Variants in FHIT observed in about 807,000 individuals in gnomAD.
FHIT encodes the protein fragile histidine triad diadenosine triphosphatase, also known as bis(5'-adenosyl)-triphosphatase.
In FHIT, 19 loss-of-function variants were observed where a neutral mutation model predicts 17.9. The observed-to-expected ratio is 1.06, with a 90% confidence interval of 0.74 to 1.56. The LOEUF is 1.56. FHIT is among the 40% of genes most tolerant of loss of function. The probability of loss-of-function intolerance (pLI) is 0.00; values close to 1 mark genes in which losing one functional copy is unlikely to be tolerated. For synonymous variants in FHIT, 81 were observed against 69.7 expected, an observed-to-expected ratio of 1.16 and a Z score of -0.81; for missense variants, 248 against 189.2, an observed-to-expected ratio of 1.31 and a Z score of -1.82.
chr3:61,076,498 C>A (rs2034976252), intron 2 of FHIT, among the ~76,000 whole-genome samples: 1 of 152,120 alleles, frequency 6.6e-6, no homozygotes, highest in Admixed American at 6.5e-5. Flanking sequence ...ACCATGCATG[C>A]CTCAGTCTGT....
chr3:59,861,088 G>A (rs960627136), intron 8 of FHIT, among the ~76,000 whole-genome samples: 3 of 152,096 alleles, frequency 2.0e-5, no homozygotes, highest in Admixed American at 2.0e-4. Context: ...TGGCTGGCAG[G>A]ATGAGAAGAA....
At chr3:61,095,726 C>T (rs979373492) in intron 2 of FHIT, among the ~76,000 whole-genome samples, 2 of 152,152 alleles carry the variant, frequency 1.3e-5, no homozygotes, top group African/African-American at 2.4e-5. Context: ...TGCCATTCTG[C>T]TTTTTCGCTG....
chr3:60,093,155 G>C (rs1002301369), intron 5 of FHIT, among the ~76,000 whole-genome samples: 9 of 152,160 alleles, frequency 5.9e-5, no homozygotes, highest in African/African-American at 2.2e-4. Flanking sequence ...TTGGGGGTCT[G>C]ACACAGGTCT....
At chr3:61,032,195 A>G (rs936461578) in intron 3 of FHIT, among the ~76,000 whole-genome samples, 11 of 152,330 alleles carry the variant, frequency 7.2e-5, no homozygotes, top group East Asian at 1.9e-4. Flanking sequence ...TCTGTCTGCT[A>G]AAAATACAGA....
At chr3:60,367,123 G>C (rs1314133265) in intron 5 of FHIT, among the ~76,000 whole-genome samples, 1 of 152,142 alleles carries the variant, frequency 6.6e-6, no homozygotes, top group African/African-American at 2.4e-5. Flanking sequence ...CTTCCCCTAA[G>C]AATACTAAAT....
intron 7 of FHIT, among the ~76,000 whole-genome samples, chr3:59,951,509 C>G (rs144803214): frequency 1.1e-3 from 174 of 152,324 alleles, no homozygotes; most frequent in Non-Finnish European, 2.0e-3. Flanking sequence ...CTGAAGGACT[C>G]TGACATCAGT....
intron 3 of FHIT, among the ~76,000 whole-genome samples, chr3:60,954,966 GTA>G (rs1442826086): frequency 1.3e-5 from 2 of 152,128 alleles, no homozygotes; most frequent in African/African-American, 4.8e-5. Context: ...AGAGAAAGTT[GTA>G]TCTTATTTAC....
chr3:61,203,178 T>TAA (rs2039085989), intron 1 of FHIT, among the ~76,000 whole-genome samples: 1 of 13,362 alleles, frequency 7.5e-5, no homozygotes, highest in Admixed American at 1.1e-3. Context: ...AGACTCCGTC[T>TAA]CAAAAAAAAA....
intron 5 of FHIT, among the ~76,000 whole-genome samples, chr3:60,339,126 G>A (rs1478656565): frequency 6.6e-6 from 1 of 152,140 alleles, no homozygotes; most frequent in East Asian, 1.9e-4. Flanking sequence ...ATGTAAGTAT[G>A]TATGCACATA....
At chr3:60,521,526 C>T (rs1481944995) in intron 5 of FHIT, among the ~76,000 whole-genome samples, 3 of 152,158 alleles carry the variant, frequency 2.0e-5, no homozygotes, top group Non-Finnish European at 2.9e-5. Flanking sequence ...GGATTACAGG[C>T]ATGAGCCACT....
At chr3:60,715,562 A>G (rs1161245672) in intron 4 of FHIT, among the ~76,000 whole-genome samples, 2 of 142,136 alleles carry the variant, frequency 1.4e-5, no homozygotes, top group Non-Finnish European at 3.0e-5. Context: ...ATAGATGGGA[A>G]TTGAACAATG....
intron 5 of FHIT, among the ~76,000 whole-genome samples, chr3:60,189,675 T>C (rs1441841686): frequency 6.6e-6 from 1 of 152,204 alleles, no homozygotes; most frequent in East Asian, 1.9e-4. Flanking sequence ...TTGGTCGGCA[T>C]TGGTATTATT....
At chr3:60,791,545 A>G (rs150254758) in intron 4 of FHIT, among the ~76,000 whole-genome samples, 72 of 152,350 alleles carry the variant, frequency 4.7e-4, no homozygotes, top group African/African-American at 1.7e-3. Context: ...CTGTTAGAAC[A>G]TGCAACATGC....
chr3:60,964,307 A>G (rs1709605850), intron 3 of FHIT, among the ~76,000 whole-genome samples: 1 of 149,732 alleles, frequency 6.7e-6, no homozygotes, highest in African/African-American at 2.5e-5. Flanking sequence ...CCATCCCTTT[A>G]GTTTGAGCCT....
chr3:60,324,973 A>G (rs914599139), intron 5 of FHIT, among the ~76,000 whole-genome samples: 37 of 152,184 alleles, frequency 2.4e-4, no homozygotes, highest in African/African-American at 7.7e-4. Flanking sequence ...AGCATTCTAG[A>G]TATTTCTGAA....
intron 4 of FHIT, among the ~76,000 whole-genome samples, chr3:60,750,904 A>G (rs2042452865): frequency 6.6e-6 from 1 of 152,206 alleles, no homozygotes; most frequent in African/African-American, 2.4e-5. Context: ...AGAAACAGGG[A>G]TAATCCCACC....
chr3:60,814,944 T>C (rs782539323), intron 4 of FHIT, among the ~76,000 whole-genome samples: 3 of 151,394 alleles, frequency 2.0e-5, no homozygotes, highest in Non-Finnish European at 4.4e-5. Flanking sequence ...TTCTGACTGG[T>C]GTGAGATGGT....
intron 8 of FHIT, among the ~76,000 whole-genome samples, chr3:59,887,557 T>G (rs1264917885): frequency 6.6e-6 from 1 of 152,058 alleles, no homozygotes; most frequent in African/African-American, 2.4e-5. Context: ...TAATTAGCAG[T>G]CATAAAAACT....
intron 3 of FHIT, among the ~76,000 whole-genome samples, chr3:60,864,276 A>G (rs1285074087): frequency 6.6e-6 from 1 of 152,172 alleles, no homozygotes; most frequent in African/African-American, 2.4e-5. Flanking sequence ...TAGCAGAGAC[A>G]GACCCATGAT....
Sources: gnomAD v4.1 joint callset for allele counts (sites outside exome capture counted in the v4.1 genomes callset) on GRCh38, gnomAD v4.1.1 for gene constraint, MANE v1.5 for transcripts, NCBI Gene and HGNC (gene_info 2026-07-23, HGNC 2026-07-21) for gene names.